Variants in KRT23 observed in about 807,000 individuals in gnomAD.
The protein encoded by KRT23 is keratin 23, also known as keratin, type I cytoskeletal 23.
A neutral mutation model predicts 47.6 loss-of-function variants in KRT23; 38 were observed. That is an observed-to-expected ratio of 0.80 (90% CI 0.62 to 1.05). The LOEUF is 1.05. Ranked by LOEUF, KRT23 falls within the 50% of genes least tolerant of loss-of-function variation. KRT23 has a pLI of 0.00. For missense variants in KRT23, 503 were observed against 529.5 expected, an observed-to-expected ratio of 0.95 and a Z score of 0.49; for synonymous variants, 191 against 199.0, an observed-to-expected ratio of 0.96 and a Z score of 0.34.
chr17:40,928,156 G>A, intron 6 of KRT23, 82 bp downstream of exon 6: 1 of 1,559,560 alleles, frequency 6.4e-7, no homozygotes, highest in East Asian at 2.2e-5. Flanking sequence ...GGGAGTTGAG[G>A]GTCAGGGCCT....
chr17:40,935,210 A>G (rs1164489030), intron 2 of KRT23, among the ~76,000 whole-genome samples: 1 of 152,048 alleles, frequency 6.6e-6, no homozygotes, highest in Non-Finnish European at 1.5e-5. Flanking sequence ...GTTCATTACA[A>G]GGACAGATTT....
intron 8 of KRT23, 32 bp from the exon 9 acceptor site, chr17:40,923,115 C>T: frequency 6.8e-7 from 1 of 1,478,372 alleles, no homozygotes; most frequent in Middle Eastern, 1.7e-4. Context: ...ATGTCACTGC[C>T]ATGCTTCTTC....
chr17:40,928,824 G>A, intron 4 of KRT23: 1 of 511,016 alleles, frequency 2.0e-6, no homozygotes, highest in Non-Finnish European at 3.4e-6. Context: ...GAATATCTTT[G>A]AGACCAACCT....
In KRT23 at chr17:40,931,422, T is replaced by C. The variant is rs746803327; in HGVS notation, c.430A>G (p.Ile144Val). Residue 144 changes from isoleucine to valine, a missense_variant, in exon 3 of 9, where the codon ATT becomes GTT. Physicochemically the swap from Ile to Val is conservative, Grantham distance 29. Coordinates refer to ENST00000209718, the MANE Select transcript of KRT23 (RefSeq NM_015515.5). ...VDGKMTNAQI[I>V]LLIDNARMAV... ...ATCCTGGCATTGTCAATGAGAAGAA[T>C]AATCTGAGCATTGGTCATCTTACCA... The C allele has an allele frequency of 6.2e-7, 1 of 1,613,768 alleles. No homozygotes were observed. The highest frequency in any genetic ancestry group is 1.1e-5 in the South Asian group (1 of 91,078).
intron 2 of KRT23, among the ~76,000 whole-genome samples, chr17:40,934,926 CCTTT>C (rs1909947909): frequency 6.6e-6 from 1 of 152,082 alleles, no homozygotes; most frequent in African/African-American, 2.4e-5. Flanking sequence ...CTCTTTCCTC[CCTTT>C]CTTTTTTTTA....
At chr17:40,931,319 T>C in intron 3 of KRT23, 54 bp downstream of exon 3, 1 of 1,429,634 alleles carries the variant, frequency 7.0e-7, no homozygotes, top group South Asian at 1.1e-5. Context: ...CGAGTTTTCC[T>C]TTTGTAAAGC....
At chr17:40,926,555 C>T (rs1361985020) in intron 6 of KRT23, among the ~76,000 whole-genome samples, 1 of 152,236 alleles carries the variant, frequency 6.6e-6, no homozygotes, top group Non-Finnish European at 1.5e-5. Context: ...CATCTGGGTG[C>T]TGGCTTCCCT....
In KRT23 at chr17:40,925,581, G is replaced by A; in HGVS notation, c.922-7C>T. Reference sequence around the variant, plus strand: ...TGTTTTCCAAAGCAGATTTCTGAAAGAGGAAATGATCTTCTGTTAATTAAC... The same window carrying A: ...TGTTTTCCAAAGCAGATTTCTGAAAAAGGAAATGATCTTCTGTTAATTAAC... On this transcript the variant is annotated splice_region_variant and splice_polypyrimidine_tract_variant and intron_variant, in intron 6 of 8. Coordinates refer to ENST00000209718, the MANE Select transcript of KRT23 (RefSeq NM_015515.5). The A allele has an allele frequency of 6.3e-7, 1 of 1,597,310 alleles. No individual in the cohort carries two copies. The highest frequency in any genetic ancestry group is 2.2e-5 in the East Asian group (1 of 44,712).
In KRT23 at chr17:40,936,460, G is replaced by A. The variant is rs1266650255; in HGVS notation, c.144C>T (p.Thr48=). 4 of 1,599,540 alleles carry A rather than the reference G, an allele frequency of 2.5e-6. No homozygotes were observed. Among genetic ancestry groups the A allele is most frequent in the Middle Eastern group, 1.7e-4 (1 of 5,966 alleles). ...AGGARISLSF[T]TRSCPPPGGS... ...CTCCAGGGGGTGGGCAGCTCCGCGTGGTGAAGGACAGGGAGATGCGGGCTC... is the reference window on the plus strand; with the variant it reads ...CTCCAGGGGGTGGGCAGCTCCGCGTAGTGAAGGACAGGGAGATGCGGGCTC... The change falls in exon 2 of 9, where the codon ACC becomes ACT. Residue 48 remains threonine (T), a synonymous_variant. Coordinates refer to ENST00000209718, the MANE Select transcript of KRT23 (RefSeq NM_015515.5).
intron 6 of KRT23, among the ~76,000 whole-genome samples, chr17:40,926,255 C>T (rs184239214): frequency 2.6e-5 from 4 of 152,220 alleles, no homozygotes; most frequent in East Asian, 3.9e-4. Context: ...TTTTCTGAAG[C>T]GCATAATTTT....
Position 40,936,389 on chromosome 17 carries a change from C to T in KRT23, c.215G>A (p.Gly72Glu). 6.2e-7 allele frequency: 1 copy of T among 1,614,198 alleles called. No homozygotes were observed. Among genetic ancestry groups the T allele is most frequent in the Non-Finnish European group, 8.5e-7 (1 of 1,180,024 alleles). Residue 72 changes from glycine to glutamate, a missense_variant, in exon 2 of 9, where the codon GGG (glycine) becomes GAG (glutamate). Physicochemically the swap from Gly to Glu is moderately conservative, Grantham distance 98. Transcript: ENST00000209718. ...GTTGAGATTCTGCATGGTGGCCTTC[C>T]CATTTCCGCCTAGTAGGGGGCTGCT... ...GRSSPLLGGN[G>E]KATMQNLNDR...
At chr17:40,932,973 T>C (rs1489870196) in intron 2 of KRT23, among the ~76,000 whole-genome samples, 1 of 152,210 alleles carries the variant, frequency 6.6e-6, no homozygotes, top group Non-Finnish European at 1.5e-5. Flanking sequence ...ATAACAATAG[T>C]TACTTCATCA....
rs750020212 is a variant in KRT23, at chr17:40,936,380, G to A, written c.224C>T (p.Thr75Ile). The change falls in exon 2 of 9, where the codon ACC becomes ATC. Residue 75 changes from threonine to isoleucine, a missense_variant. Physicochemically the swap from Thr to Ile is moderately conservative, Grantham distance 89. Transcript: ENST00000209718. ...CAGGCGGTCGTTGAGATTCTGCATG[G>A]TGGCCTTCCCATTTCCGCCTAGTAG... ...SPLLGGNGKA[T>I]MQNLNDRLAS... 6.2e-7 allele frequency: 1 copy of A among 1,614,214 alleles called. No homozygotes were observed. Among genetic ancestry groups the A allele is most frequent in the Admixed American group, 1.7e-5 (1 of 60,030 alleles).
At chr17:40,928,863 T>G (rs1909424126) in intron 4 of KRT23, among the ~76,000 whole-genome samples, 1 of 151,830 alleles carries the variant, frequency 6.6e-6, no homozygotes, top group Non-Finnish European at 1.5e-5. Flanking sequence ...CTGTCTCTAC[T>G]AAAAATACAA....
chr17:40,930,224 G>T, intron 3 of KRT23, 128 bp from the exon 4 acceptor site: 1 of 778,846 alleles, frequency 1.3e-6, no homozygotes, highest in South Asian at 2.0e-5. Context: ...ATACATATAG[G>T]ATGTCTTTTT....
intron 6 of KRT23, among the ~76,000 whole-genome samples, chr17:40,925,872 T>G (rs532191272): frequency 1.9e-4 from 29 of 152,228 alleles, no homozygotes; most frequent in Non-Finnish European, 3.2e-4. Context: ...GACTGCTATC[T>G]CTTTGTATCT....
intron 2 of KRT23, among the ~76,000 whole-genome samples, chr17:40,935,254 C>G (rs564868338): frequency 6.6e-6 from 1 of 151,956 alleles, no homozygotes; most frequent in Admixed American, 6.6e-5. Context: ...TACATTCAAG[C>G]AAGGATGACT....
At position 40,924,532 on chromosome 17, in the gene KRT23, C is replaced by T. The variant is rs757532887; in HGVS notation, c.1143-29G>A. The T allele has an allele frequency of 3.1e-6, 5 of 1,594,738 alleles. No individual in the cohort carries two copies. The Admixed American group carries it at 8.4e-5, about 27-fold the overall frequency. On this transcript the variant is annotated intron_variant, in intron 7 of 8. Coordinates refer to ENST00000209718, the MANE Select transcript of KRT23 (RefSeq NM_015515.5). ...TAAAAGTGATAAAGGTTAAAGCTCA[C>T]TTTAGTATTAGCAACAATCATAACA... is the stretch of plus-strand genomic sequence containing the variant.
chr17:40,923,482 A>G (rs1342168940), intron 8 of KRT23, among the ~76,000 whole-genome samples: 1 of 152,242 alleles, frequency 6.6e-6, no homozygotes, highest in African/African-American at 2.4e-5. Flanking sequence ...AGCATGCCAC[A>G]TGAGGAATGG....
Sources: allele counts gnomAD v4.1 joint callset (sites outside exome capture counted in the v4.1 genomes callset), GRCh38; gene constraint gnomAD v4.1.1; transcripts MANE v1.5; gene names NCBI Gene and HGNC (gene_info 2026-07-23, HGNC 2026-07-21).